RMI1: variants seen among roughly 807,000 people sequenced by gnomAD.
RMI1 encodes the protein recQ-mediated genome instability protein 1.
In RMI1, 36 loss-of-function variants were observed where a neutral mutation model predicts 46.7. The observed-to-expected ratio is 0.77, with a 90% CI of 0.59 to 1.02. The LOEUF (loss-of-function observed/expected upper bound fraction) is 1.02, where lower values mean the gene tolerates loss of function less well. RMI1 is among the 50% of genes least tolerant of loss of function. The pLI is 0.00. For synonymous variants in RMI1, 250 were observed against 252.9 expected (o/e 0.99, Z 0.11); for missense variants, 676 against 713.7 (o/e 0.95, Z 0.60).
chr9:83,983,390 A>G (rs1957447049), intron 1 of RMI1, among the ~76,000 whole-genome samples: 1 of 152,126 alleles, frequency 6.6e-6, no homozygotes, highest in Admixed American at 6.5e-5. Flanking sequence ...TACGGTATAA[A>G]TTTTTCCTCC....
At position 83,992,467 on chromosome 9, in the gene RMI1, GA is replaced by G. The variant is rs763203089; in HGVS notation, c.-125-7230del. Among the ~76,000 whole-genome samples, 615 of 140,228 alleles carry G rather than the reference GA, an allele frequency of 4.4e-3. 2 individuals carry two copies. The highest frequency in any genetic ancestry group is 0.011 in the African/African-American group (418 of 38,436). 92.0% of individuals were successfully genotyped at this position (140,228 alleles called of 152,430 possible). Reference sequence around the variant, plus strand: ...TCCATTTTAAACATCAAAACTACTGGAAAAAAAAAAAAGCATAAAAACATGG... The same window carrying G: ...TCCATTTTAAACATCAAAACTACTGGAAAAAAAAAAAGCATAAAAACATGG... On this transcript the variant is annotated intron_variant, in intron 1 of 2. Coordinates refer to ENST00000445877, the MANE Select transcript of RMI1 (RefSeq NM_001358291.2).
In RMI1 at chr9:84,002,715, G is replaced by A. The variant is rs1957757629; in HGVS notation, c.1729G>A (p.Gly577Arg). ...TCTTCAATACCAAAAGTTCCTGGAA[G>A]GGTTGCAGAAATGTCAAAGAGATCT... ...DPLQYQKFLEGLQKCQRDLID... is the reference protein window; with the variant it reads ...DPLQYQKFLERLQKCQRDLID... Residue 577 changes from glycine to arginine, a missense_variant, in exon 3 of 3, where the codon GGG becomes AGG. Coordinates refer to ENST00000445877, the MANE Select transcript of RMI1 (RefSeq NM_001358291.2). The A allele has an allele frequency of 6.2e-7, 1 of 1,613,824 alleles. No individual in the cohort carries two copies. The highest frequency in any genetic ancestry group is 1.7e-5 in the Admixed American group (1 of 59,986).
At chr9:83,984,161 C>A (rs903384068) in intron 1 of RMI1, among the ~76,000 whole-genome samples, 1 of 152,028 alleles carries the variant, frequency 6.6e-6, no homozygotes, top group African/African-American at 2.4e-5. Context: ...GATCAAATCA[C>A]AGTACCGGGG....
chr9:84,002,305 A>G lies in RMI1; in HGVS notation c.1319A>G (p.Asn440Ser). Residue 440 changes from asparagine (N) to serine (S), a missense_variant, in exon 3 of 3, where the codon AAT (asparagine) becomes AGT (serine). Asn to Ser is a conservative substitution (Grantham distance 46). Transcript: ENST00000445877. Reference sequence around the variant, plus strand: ...AGTTCAGATAGCCATTCCTTAAATAATAAAATATTAAATAGAGAGGTGGTC... The same window carrying G: ...AGTTCAGATAGCCATTCCTTAAATAGTAAAATATTAAATAGAGAGGTGGTC... The part of the protein sequence containing the change: ...TSSSDSHSLN[N>S]KILNREVVNY... The G allele has an allele frequency of 1.2e-6, 2 of 1,600,226 alleles. No homozygotes were observed. The highest frequency in any genetic ancestry group is 3.3e-4 in the Middle Eastern group (2 of 5,978).
intron 1 of RMI1, among the ~76,000 whole-genome samples, chr9:83,993,380 G>T (rs559785543): frequency 6.6e-6 from 1 of 152,224 alleles, no homozygotes; most frequent in African/African-American, 2.4e-5. Flanking sequence ...GTTATGTTTT[G>T]TGTATCCTTC....
chr9:84,000,115 G>C lies in RMI1; in HGVS notation c.-37+318G>C, dbSNP rs77886011. Reference sequence around the variant, plus strand: ...ACAGACACAGTGGTATGTTTTAATAGAGTTAAATTAGAACTATTGCACATA... The same window carrying C: ...ACAGACACAGTGGTATGTTTTAATACAGTTAAATTAGAACTATTGCACATA... On this transcript the variant is annotated intron_variant, in intron 2 of 2. Coordinates refer to ENST00000445877, the MANE Select transcript of RMI1 (RefSeq NM_001358291.2). 4.2e-4 allele frequency among the ~76,000 whole-genome samples: 64 copies of C among 152,266 alleles called. No homozygotes were observed. The East Asian group carries it at 0.011, about 26-fold the overall frequency.
intron 1 of RMI1, among the ~76,000 whole-genome samples, chr9:83,983,061 A>T (rs897182244): frequency 1.3e-5 from 2 of 152,212 alleles, no homozygotes; most frequent in African/African-American, 2.4e-5. Flanking sequence ...TTTACTTTAG[A>T]TGGGCTAATA....
chr9:84,001,679 A>T lies in RMI1; in HGVS notation c.693A>T (p.Arg231Ser), dbSNP rs754743890. The change falls in exon 3 of 3, where the codon AGA becomes AGT. Residue 231 changes from arginine to serine, a missense_variant. Transcript: ENST00000445877. The stretch of plus-strand genomic sequence containing the variant: ...ACAATTCTAACGAAAACATTCCCAG[A>T]GTTACAGATGTTCTAGATCCTGCAT... ...IPNNSNENIP[R>S]VTDVLDPALG... 9 of 1,613,984 alleles carry T rather than the reference A, an allele frequency of 5.6e-6. No homozygotes were observed. In the South Asian group the frequency reaches 7.7e-5, roughly 14 times the overall value.
intron 1 of RMI1, among the ~76,000 whole-genome samples, chr9:83,996,456 C>T (rs550999327): frequency 7.9e-5 from 12 of 152,292 alleles, no homozygotes; most frequent in African/African-American, 1.4e-4. Flanking sequence ...GGGGGCTGCA[C>T]GGCTTTAGTG....
At chr9:83,987,321 A>G (rs546793917) in intron 1 of RMI1, among the ~76,000 whole-genome samples, 10 of 152,212 alleles carry the variant, frequency 6.6e-5, no homozygotes, top group South Asian at 6.2e-4. Context: ...CCAAAGTGCT[A>G]GGGTTACAGG....
At chr9:83,984,591 C>T (rs946977465) in intron 1 of RMI1, among the ~76,000 whole-genome samples, 1 of 150,950 alleles carries the variant, frequency 6.6e-6, no homozygotes, top group Non-Finnish European at 1.5e-5. Flanking sequence ...GACAAAGTTT[C>T]GTTCTTGTTG....
chr9:83,992,013 A>T (rs1245100649), intron 1 of RMI1, among the ~76,000 whole-genome samples: 1 of 152,142 alleles, frequency 6.6e-6, no homozygotes, highest in Non-Finnish European at 1.5e-5. Flanking sequence ...GTTATTTTTT[A>T]TAAAAAGATT....
chr9:83,993,331 A>G (rs1417967941), intron 1 of RMI1, among the ~76,000 whole-genome samples: 1 of 152,146 alleles, frequency 6.6e-6, no homozygotes, highest in Non-Finnish European at 1.5e-5. Flanking sequence ...GATAGGATTT[A>G]CTTCTTTTAT....
intron 1 of RMI1, among the ~76,000 whole-genome samples, chr9:83,982,844 A>C (rs1957439524): frequency 6.6e-6 from 1 of 152,120 alleles, no homozygotes; most frequent in African/African-American, 2.4e-5. Flanking sequence ...TTGCTCTTTA[A>C]ATAACAGGAA....
chr9:83,999,879 C>G (rs1022641356), intron 2 of RMI1, 82 bp downstream of exon 2: 2 of 152,134 alleles, frequency 1.3e-5, no homozygotes, highest in Admixed American at 6.5e-5. Context: ...ACAAAGTATA[C>G]TTTTGTGAAC....
intron 1 of RMI1, among the ~76,000 whole-genome samples, chr9:83,991,250 A>T (rs1310295757): frequency 6.6e-6 from 1 of 150,650 alleles, no homozygotes; most frequent in Non-Finnish European, 1.5e-5. Context: ...CATAGAACAG[A>T]CGTTTTAAAT....
At chr9:83,980,783 G>A (rs1046075690), upstream of RMI1, 1 of 152,334 alleles carries the variant, frequency 6.6e-6, no homozygotes, top group East Asian at 1.9e-4. Context: ...GCGGCAAATC[G>A]GGCGGGAAGA....
chr9:83,993,568 A>G (rs1034954393), intron 1 of RMI1, among the ~76,000 whole-genome samples: 2 of 152,158 alleles, frequency 1.3e-5, no homozygotes, highest in East Asian at 3.9e-4. Context: ...ACTGTTTTCC[A>G]TAGTAGCTTC....
At chr9:83,995,381 A>G (rs955367105) in intron 1 of RMI1, among the ~76,000 whole-genome samples, 2 of 149,274 alleles carry the variant, frequency 1.3e-5, no homozygotes, top group African/African-American at 4.9e-5. Context: ...TGTTGGAACT[A>G]TGTTCCCTAC....
Sources: allele counts gnomAD v4.1 joint callset (sites outside exome capture counted in the v4.1 genomes callset), GRCh38; gene constraint gnomAD v4.1.1; transcripts MANE v1.5; gene names NCBI Gene and HGNC (gene_info 2026-07-23, HGNC 2026-07-21).